MPZL2: variants seen among roughly 807,000 people sequenced by gnomAD.
The protein encoded by MPZL2 is myelin protein zero like 2.
In MPZL2, 32 loss-of-function variants were observed where a neutral mutation model predicts 24.5. The ratio of observed to expected loss-of-function variants is 1.31; its 90% confidence interval spans 0.99 to 1.76. The LOEUF (loss-of-function observed/expected upper bound fraction) is 1.76, where lower values mean the gene tolerates loss of function less well. Among genes scored for constraint, MPZL2 ranks in the 40% most tolerant of loss-of-function variants. The probability of loss-of-function intolerance (pLI) is 0.00; values close to 1 mark genes in which losing one functional copy is unlikely to be tolerated. For missense variants in MPZL2, 304 were observed against 274.9 expected (o/e 1.11, Z -0.75); for synonymous variants, 92 against 97.9 (o/e 0.94, Z 0.36).
intron 1 of MPZL2, chr11:118,263,311 C>T: frequency 1.9e-6 from 1 of 517,720 alleles, no homozygotes; most frequent in East Asian, 3.3e-5. Flanking sequence ...AACTACCACA[C>T]AGCAAGCCTT....
intron 4 of MPZL2, among the ~76,000 whole-genome samples, chr11:118,258,460 G>C (rs563638471): frequency 6.6e-6 from 1 of 152,068 alleles, no homozygotes; most frequent in East Asian, 1.9e-4. Context: ...ATATTAAAAT[G>C]GGCAAACTCT....
rs1949651517 is a variant in MPZL2 at position 118,254,761 on chromosome 11, T to G, written c.*485A>C. On this transcript the variant is annotated 3_prime_UTR_variant, in exon 6 of 6. Transcript: ENST00000278937. ...TTAACAGTTTGAATTTAGGATTTAC[T>G]GTTAATCAGAAACACCGAGGAGGCT... The G allele has an allele frequency of 6.6e-6, 1 of 152,258 alleles. No homozygotes were observed. The highest frequency in any genetic ancestry group is 2.4e-5 in the African/African-American group (1 of 41,470). 9.4% of individuals were successfully genotyped at this position (152,258 alleles called of 1,614,324 possible). A position where few individuals can be genotyped will look rare whatever the true frequency, so the allele number is the denominator to read the frequency against.
intron 3 of MPZL2, 62 bp from the exon 4 acceptor site, chr11:118,260,263 T>C (rs1005895726): frequency 9.0e-6 from 14 of 1,548,330 alleles, no homozygotes; most frequent in Non-Finnish European, 1.2e-5. Flanking sequence ...TGAAATCTAA[T>C]GACATAATAG....
intron 3 of MPZL2, 72 bp from the exon 4 acceptor site, chr11:118,260,273 G>A (rs887948654): frequency 4.1e-6 from 6 of 1,474,012 alleles, no homozygotes; most frequent in Non-Finnish European, 3.7e-6. Context: ...TGACATAATA[G>A]GGATGCATTT....
At position 118,257,311 on chromosome 11, in the gene MPZL2, T is replaced by C; in HGVS notation, c.587A>G (p.Lys196Arg). 6.2e-7 allele frequency: 1 copy of C among 1,611,176 alleles called. No individual in the cohort carries two copies. The highest frequency in any genetic ancestry group is 8.5e-7 in the Non-Finnish European group (1 of 1,178,556). ...CTCTTGGTTGAGCCTTTCCTCTTCT[T>C]TTCTGTAACAAGCAGAAACCAAATG... ...RAHKVVEIKS[K>R]EEERLNQEKK... The change falls in exon 5 of 6, where the codon AAA (lysine) becomes AGA (arginine). Residue 196 changes from lysine to arginine, a missense_variant and splice_region_variant. By Grantham distance (26) the Lys-to-Arg change is conservative. Transcript: ENST00000278937.
At chr11:118,255,960 T>C (rs4938492) in intron 5 of MPZL2, among the ~76,000 whole-genome samples, 63,389 of 152,112 alleles carry the variant, frequency 0.42, 15,095 homozygotes, top group South Asian at 0.72. Flanking sequence ...TTTCTTTTGA[T>C]CTAAAACATC....
rs1484026040 is a variant in MPZL2 at position 118,262,482 on chromosome 11, A to G, written c.392T>C (p.Val131Ala). The change falls in exon 3 of 6, where the codon GTT becomes GCT. Residue 131 changes from valine (V) to alanine (A), a missense_variant. Coordinates refer to ENST00000278937, the MANE Select transcript of MPZL2 (RefSeq NM_005797.4). Reference protein sequence around the residue: ...YTCQVKNPPDVDGVIGEIRLS... With the variant: ...YTCQVKNPPDADGVIGEIRLS... Reference sequence around the variant, plus strand: ...CCGGATCTCCCCTATCACCCCATCAACATCAGGTGGGTTCTTCACCTGGCA... The same window carrying G: ...CCGGATCTCCCCTATCACCCCATCAGCATCAGGTGGGTTCTTCACCTGGCA... 2 of 1,614,066 alleles carry G rather than the reference A, an allele frequency of 1.2e-6. No homozygotes were observed. The highest frequency in any genetic ancestry group is 1.7e-6 in the Non-Finnish European group (2 of 1,180,000).
At chr11:118,263,789 G>C (rs1485795095) in intron 1 of MPZL2, among the ~76,000 whole-genome samples, 1 of 152,080 alleles carries the variant, frequency 6.6e-6, no homozygotes, top group African/African-American at 2.4e-5. Flanking sequence ...AAATCCAAAT[G>C]CCAAGTCCTG....
chr11:118,263,306 C>T (rs569763004), intron 1 of MPZL2: 4 of 530,524 alleles, frequency 7.5e-6, no homozygotes, highest in African/African-American at 3.9e-5. Flanking sequence ...AACTAAACTA[C>T]CACACAGCAA....
chr11:118,264,173 C>G lies in MPZL2; in HGVS notation c.-20G>C. On this transcript the variant is annotated 5_prime_UTR_variant, in exon 1 of 6. Coordinates refer to ENST00000278937, the MANE Select transcript of MPZL2 (RefSeq NM_005797.4). ...ATACATGAGGGAAACCCAGCCTTGG[C>G]CCCAGAGACCGGACGGGGCAGACCG... 6.2e-7 allele frequency: 1 copy of G among 1,613,746 alleles called. No homozygotes were observed. The highest frequency in any genetic ancestry group is 1.1e-5 in the South Asian group (1 of 91,070).
chr11:118,262,875 T>A, intron 2 of MPZL2, 56 bp downstream of exon 2: 1 of 1,566,364 alleles, frequency 6.4e-7, no homozygotes, highest in Admixed American at 1.8e-5. Context: ...AGAAATGGAC[T>A]GGCTTATTAT....
chr11:118,257,450 A>G lies in MPZL2; in HGVS notation c.585-137T>C, dbSNP rs919887148. 5 of 652,020 alleles carry G rather than the reference A, an allele frequency of 7.7e-6. No individual in the cohort carries two copies. The South Asian group carries it at 9.9e-5, about 13-fold the overall frequency. The allele number at this position is 652,020 out of a possible 1,614,324, so 40.4% of individuals were successfully genotyped here. On this transcript the variant is annotated intron_variant, in intron 4 of 5. Coordinates refer to ENST00000278937, the MANE Select transcript of MPZL2 (RefSeq NM_005797.4). ...TGCACTTGGGAGTAGATTGAAGTTT[A>G]CACAGAGCTAAACTGGTGCCATCTA...
Position 118,263,916 on chromosome 11 carries a change from C to T in MPZL2, c.58+180G>A, listed in dbSNP as rs184470831. Among the ~76,000 whole-genome samples the T allele has an allele frequency of 1.4e-3, 208 of 152,206 alleles. 1 individual carries two copies. The highest frequency in any genetic ancestry group is 4.7e-3 in the African/African-American group (197 of 41,502). The stretch of plus-strand genomic sequence containing the variant: ...CTGAACACACCTAAACCTGTTTGTC[C>T]GAGAGCAGTTCTCCAAAAACAGTCC... On this transcript the variant is annotated intron_variant, in intron 1 of 5. Transcript: ENST00000278937.
In MPZL2 at chr11:118,256,558, G is replaced by A. The variant is rs1314293363; in HGVS notation, c.*12+680C>T. 2.0e-5 allele frequency among the ~76,000 whole-genome samples: 3 copies of A among 152,140 alleles called. No homozygotes were observed. The East Asian group carries it at 5.8e-4, about 29-fold the overall frequency. The stretch of plus-strand genomic sequence containing the variant: ...CCAGCTACTTGGGAGGCTGAGGTAG[G>A]AGGATCACTTGAGCTTGGGAGGGAG... On this transcript the variant is annotated intron_variant, in intron 5 of 5. Coordinates refer to ENST00000278937, the MANE Select transcript of MPZL2 (RefSeq NM_005797.4).
intron 4 of MPZL2, chr11:118,257,784 G>A (rs1220091805): frequency 6.6e-6 from 1 of 152,664 alleles, no homozygotes; most frequent in Non-Finnish European, 1.5e-5. Flanking sequence ...GCCAAGGCAG[G>A]TACATCACTT....
intron 5 of MPZL2, among the ~76,000 whole-genome samples, chr11:118,255,896 T>C (rs1224574545): frequency 6.6e-6 from 1 of 152,208 alleles, no homozygotes; most frequent in Admixed American, 6.5e-5. Flanking sequence ...TTCACACTAT[T>C]ATTCATCCAG....
At chr11:118,263,307 C>T (rs986516682) in intron 1 of MPZL2, 2 of 530,160 alleles carry the variant, frequency 3.8e-6, no homozygotes, top group Non-Finnish European at 6.6e-6. Context: ...ACTAAACTAC[C>T]ACACAGCAAG....
chr11:118,261,096 A>C (rs1229816976), intron 3 of MPZL2, among the ~76,000 whole-genome samples: 2 of 152,194 alleles, frequency 1.3e-5, no homozygotes, highest in Non-Finnish European at 2.9e-5. Flanking sequence ...ATAATTATCC[A>C]CATATATTTA....
At chr11:118,259,758 G>C (rs1591504777) in intron 4 of MPZL2, 1 of 228,742 alleles carries the variant, frequency 4.4e-6, no homozygotes, top group Non-Finnish European at 8.5e-6. Context: ...TTTTACAAAT[G>C]TATGCTTCAC....
Sources: allele counts gnomAD v4.1 joint callset (sites outside exome capture counted in the v4.1 genomes callset), GRCh38; gene constraint gnomAD v4.1.1; transcripts MANE v1.5; gene names NCBI Gene and HGNC (gene_info 2026-07-23, HGNC 2026-07-21).